LRFN5: variants seen among roughly 807,000 people sequenced by gnomAD.
LRFN5 encodes the protein leucine rich repeat and fibronectin type III domain containing 5, also known as leucine-rich repeat and fibronectin type-III domain-containing protein 5.
A neutral mutation model predicts 45.6 loss-of-function variants in LRFN5; 24 were observed. The ratio of observed to expected loss-of-function variants is 0.53; its 90% CI spans 0.38 to 0.74. The LOEUF (loss-of-function observed/expected upper bound fraction) is 0.74. LRFN5 is among the 30% of genes least tolerant of loss of function. LRFN5 has a pLI of 0.00. For missense variants in LRFN5, 776 were observed against 861.5 expected, an observed-to-expected ratio of 0.90 and a Z score of 1.24; for synonymous variants, 340 against 313.8, an observed-to-expected ratio of 1.08 and a Z score of -0.88.
At chr14:41,844,559 G>T (rs1028729820) in intron 2 of LRFN5, among the ~76,000 whole-genome samples, 2 of 152,112 alleles carry the variant, frequency 1.3e-5, no homozygotes, top group African/African-American at 2.4e-5. Flanking sequence ...TTAAAGGACA[G>T]TTTAGTTATA....
chr14:41,880,068 C>T (rs1214139428), intron 2 of LRFN5, among the ~76,000 whole-genome samples: 6 of 151,620 alleles, frequency 4.0e-5, no homozygotes, highest in Non-Finnish European at 8.8e-5. Context: ...GCTGGGACTA[C>T]AGGCACCCAC....
intron 2 of LRFN5, among the ~76,000 whole-genome samples, chr14:41,774,867 T>C (rs1283804791): frequency 1.3e-5 from 2 of 152,130 alleles, no homozygotes; most frequent in African/African-American, 4.8e-5. Context: ...CAATAACCTC[T>C]TTCATCACTC....
intron 1 of LRFN5, among the ~76,000 whole-genome samples, chr14:41,744,578 C>G (rs61992398): frequency 0.17 from 25,234 of 152,016 alleles, 2,198 homozygotes; most frequent in Admixed American, 0.19. Context: ...TTCAGAGACA[C>G]AGATTGGTAA....
chr14:41,871,095 G>GA (rs1450804353), intron 2 of LRFN5, among the ~76,000 whole-genome samples: 1 of 151,118 alleles, frequency 6.6e-6, no homozygotes, highest in Admixed American at 6.6e-5. Context: ...TTAAAAACTA[G>GA]AAAAAAATGA....
intron 2 of LRFN5, among the ~76,000 whole-genome samples, chr14:41,781,558 G>GAGAAAGTAAGAA (rs1886487628): frequency 9.4e-6 from 1 of 106,934 alleles, no homozygotes; most frequent in Non-Finnish European, 1.8e-5. Flanking sequence ...AGAAAAGAAA[G>GAGAAAGTAAGAA]AGAAAGAAAG....
chr14:41,748,323 G>A (rs1197370198), intron 1 of LRFN5, among the ~76,000 whole-genome samples: 1 of 152,068 alleles, frequency 6.6e-6, no homozygotes, highest in Non-Finnish European at 1.5e-5. Context: ...ATATGCAATG[G>A]AATATTAGCC....
chr14:41,879,218 A>G (rs889618314), intron 2 of LRFN5, among the ~76,000 whole-genome samples: 3 of 152,116 alleles, frequency 2.0e-5, no homozygotes, highest in Admixed American at 6.5e-5. Flanking sequence ...CTTTGAACAT[A>G]TATGACAAAG....
intron 1 of LRFN5, among the ~76,000 whole-genome samples, chr14:41,749,976 A>G (rs896623194): frequency 6.6e-6 from 1 of 152,080 alleles, no homozygotes; most frequent in Non-Finnish European, 1.5e-5. Context: ...GTTAACATCA[A>G]TAGGGAGACA....
At chr14:41,631,145 C>T (rs1222152809) in intron 1 of LRFN5, among the ~76,000 whole-genome samples, 1 of 152,148 alleles carries the variant, frequency 6.6e-6, no homozygotes, top group Non-Finnish European at 1.5e-5. Flanking sequence ...ATTCATAGCC[C>T]TCCAAACCCC....
Position 41,886,962 on chromosome 14 carries a change from A to G in LRFN5, c.337A>G (p.Lys113Glu), listed in dbSNP as rs1890594858. The change falls in exon 3 of 6, where the codon AAA becomes GAA. Residue 113 changes from lysine (K) to glutamate (E), a missense_variant. By Grantham distance (56) the Lys-to-Glu change is moderately conservative (BLOSUM62 1). This residue lies in a region of LRFN5 where 311 missense variants were observed against 405.1 expected (regional missense o/e 0.77). Coordinates refer to ENST00000298119, the MANE Select transcript of LRFN5 (RefSeq NM_152447.5). ...ALHLNSNRLTKITNDMFSGLS... is the reference protein window; with the variant it reads ...ALHLNSNRLTEITNDMFSGLS... ...GCATTTGAATAGCAACAGATTGACT[A>G]AAATTACAAATGATATGTTCAGTGG... 6.2e-7 allele frequency: 1 copy of G among 1,614,194 alleles called. No homozygotes were observed. Among genetic ancestry groups the G allele is most frequent in the Non-Finnish European group, 8.5e-7 (1 of 1,180,024 alleles).
intron 1 of LRFN5, among the ~76,000 whole-genome samples, chr14:41,765,836 A>C (rs1001218184): frequency 6.6e-6 from 1 of 152,170 alleles, no homozygotes; most frequent in African/African-American, 2.4e-5. Context: ...ATTTCTGACC[A>C]TATCAGTATT....
intron 1 of LRFN5, among the ~76,000 whole-genome samples, chr14:41,646,295 A>G (rs1382909394): frequency 6.6e-6 from 1 of 152,094 alleles, no homozygotes; most frequent in Non-Finnish European, 1.5e-5. Context: ...TTCATCATGT[A>G]TATTTGTCTT....
intron 1 of LRFN5, among the ~76,000 whole-genome samples, chr14:41,678,937 C>T (rs1220168544): frequency 6.6e-6 from 1 of 152,174 alleles, no homozygotes; most frequent in African/African-American, 2.4e-5. Context: ...AATCTGTGAC[C>T]TTGGCGTAGG....
At chr14:41,691,088 T>A (rs955563805) in intron 1 of LRFN5, among the ~76,000 whole-genome samples, 6 of 152,128 alleles carry the variant, frequency 3.9e-5, no homozygotes, top group African/African-American at 1.4e-4. Context: ...CTGTTTTCTC[T>A]GTTGAGCATT....
At position 41,704,434 on chromosome 14, in the gene LRFN5, C is replaced by CTGTGTGTGTGTGTGTGTGTG. The variant is rs1255294858; in HGVS notation, c.-196-62419_-196-62418insGTGTGTGTGTGTGTGTGTGT. Among the ~76,000 whole-genome samples the CTGTGTGTGTGTGTGTGTGTG allele has an allele frequency of 9.3e-5, 4 of 43,094 alleles. No homozygotes were observed. In the East Asian group the frequency reaches 1.1e-3, roughly 12 times the overall value. The allele number at this position is 43,094 out of a possible 152,430, so 28.3% of individuals were successfully genotyped here. ...TCTCTCTCTCTCTCTCTCTCTCTCT[C>CTGTGTGTGTGTGTGTGTGTG]TCTCTCTCTCTCTCTGTGTGTGTGT... On this transcript the variant is annotated intron_variant, in intron 1 of 5. Transcript: ENST00000298119.
chr14:41,721,259 T>A (rs1248713975), intron 1 of LRFN5, among the ~76,000 whole-genome samples: 1 of 152,128 alleles, frequency 6.6e-6, no homozygotes, highest in Non-Finnish European at 1.5e-5. Context: ...GAACCTATGG[T>A]TGTCATTGTG....
At chr14:41,687,918 A>G (rs1053533265) in intron 1 of LRFN5, among the ~76,000 whole-genome samples, 26 of 152,232 alleles carry the variant, frequency 1.7e-4, no homozygotes, top group South Asian at 8.3e-4. Flanking sequence ...CTATCTGTAC[A>G]TGTATCCCCC....
intron 2 of LRFN5, among the ~76,000 whole-genome samples, chr14:41,881,591 A>T (rs550702818): frequency 1.8e-4 from 27 of 152,044 alleles, no homozygotes; most frequent in African/African-American, 4.6e-4. Flanking sequence ...TCTACTATTT[A>T]TTCTGCCCCA....
At chr14:41,759,496 C>G (rs1488021557) in intron 1 of LRFN5, among the ~76,000 whole-genome samples, 3 of 25,390 alleles carry the variant, frequency 1.2e-4, no homozygotes, top group Non-Finnish European at 2.8e-4. Context: ...CACACACACA[C>G]ACAGAGAGAG....
Sources: gnomAD v4.1 joint callset for allele counts (sites outside exome capture counted in the v4.1 genomes callset) on GRCh38, gnomAD v4.1.1 for gene constraint, gnomAD v4.1.1 regional missense constraint, MANE v1.5 for transcripts, NCBI Gene and HGNC (gene_info 2026-07-23, HGNC 2026-07-21) for gene names.